PLEKHA2: variants seen among roughly 807,000 people sequenced by gnomAD.
PLEKHA2 encodes pleckstrin homology domain-containing family A member 2.
In PLEKHA2, 28 loss-of-function variants were observed where a neutral mutation model predicts 53.2. The observed-to-expected ratio is 0.53, with a 90% CI of 0.39 to 0.72. The LOEUF (loss-of-function observed/expected upper bound fraction) is 0.72, where lower values mean the gene tolerates loss of function less well. PLEKHA2 is among the 30% of genes least tolerant of loss of function. The pLI, the probability that PLEKHA2 is intolerant of heterozygous loss-of-function variation, is 0.00. For missense variants in PLEKHA2, 426 were observed against 537.9 expected (o/e 0.79, Z 2.06); for synonymous variants, 193 against 196.4 (o/e 0.98, Z 0.14).
chr8:38,907,390 G>A (rs1432465539), intron 1 of PLEKHA2, among the ~76,000 whole-genome samples: 1 of 152,050 alleles, frequency 6.6e-6, no homozygotes, highest in African/African-American at 2.4e-5. Context: ...TCTTTCCTCT[G>A]TCTCCAAATT....
intron 3 of PLEKHA2, among the ~76,000 whole-genome samples, chr8:38,937,254 G>A (rs1380257870): frequency 6.6e-6 from 1 of 152,230 alleles, no homozygotes; most frequent in Non-Finnish European, 1.5e-5. Context: ...GTCCAGCCTT[G>A]CTAGCACAGC....
At chr8:38,953,237 T>C in intron 8 of PLEKHA2, 60 bp from the exon 9 acceptor site, 4 of 1,376,152 alleles carry the variant, frequency 2.9e-6, no homozygotes, top group Non-Finnish European at 4.2e-6. Flanking sequence ...GGTCAGCTGG[T>C]CTGGGTCGTG....
rs1165999872 is a variant in PLEKHA2, at chr8:38,970,014, C to T, written c.*231C>T. Reference sequence around the variant, plus strand: ...CAGTGTATTTAATTTGGGGAAGTCACTAGGTTAGAACTGTAGGCATACTCA... The same window carrying T: ...CAGTGTATTTAATTTGGGGAAGTCATTAGGTTAGAACTGTAGGCATACTCA... On this transcript the variant is annotated 3_prime_UTR_variant, in exon 12 of 12. Transcript: ENST00000617275. The T allele has an allele frequency of 3.2e-6, 2 of 631,258 alleles. No homozygotes were observed. The highest frequency in any genetic ancestry group is 5.4e-6 in the Non-Finnish European group (2 of 372,480). 39.1% of individuals were successfully genotyped at this position (631,258 alleles called of 1,614,324 possible).
At position 38,970,116 on chromosome 8, in the gene PLEKHA2, C is replaced by G. The variant is rs1835220359; in HGVS notation, c.*333C>G. Reference sequence around the variant, plus strand: ...GAGGGATTGTTTTAGCAGCTCCTCTCCAGAGGGGGCTGGAAGTCCAGTTTC... The same window carrying G: ...GAGGGATTGTTTTAGCAGCTCCTCTGCAGAGGGGGCTGGAAGTCCAGTTTC... On this transcript the variant is annotated 3_prime_UTR_variant, in exon 12 of 12. Transcript: ENST00000617275. The G allele has an allele frequency of 2.2e-6, 1 of 450,542 alleles. No individual in the cohort carries two copies. Among genetic ancestry groups the G allele is most frequent in the Non-Finnish European group, 3.8e-6 (1 of 260,208 alleles). The allele number at this position is 450,542 out of a possible 1,614,324, so 27.9% of individuals were successfully genotyped here. A position where few individuals can be genotyped will look rare whatever the true frequency, so the allele number is the denominator to read the frequency against.
intron 11 of PLEKHA2, 25 bp downstream of exon 11, chr8:38,968,694 C>G: frequency 6.2e-7 from 1 of 1,611,328 alleles, no homozygotes; most frequent in East Asian, 2.2e-5. Context: ...TTCTGTTGCA[C>G]AGTGTCAACT....
rs1835295374 is a variant in PLEKHA2, at chr8:38,973,742, T to C, written c.*3959T>C. 1 of 160,820 alleles carries C rather than the reference T, an allele frequency of 6.2e-6. No homozygotes were observed. Among genetic ancestry groups the C allele is most frequent in the Non-Finnish European group, 1.3e-5 (1 of 74,688 alleles). The allele number at this position is 160,820 out of a possible 1,614,324, so 10.0% of individuals were successfully genotyped here. A position where few individuals can be genotyped will look rare whatever the true frequency, so the allele number is the denominator to read the frequency against. On this transcript the variant is annotated 3_prime_UTR_variant, in exon 12 of 12. Transcript: ENST00000617275. ...TGAAGGGGTAGCATGATTCTGTGTT[T>C]TAAAGCAGTGATGTTTCAGCTGTGA... is the stretch of plus-strand genomic sequence containing the variant.
In PLEKHA2 at chr8:38,922,295, GT is replaced by G. The variant is rs1339043582; in HGVS notation, c.141+4231del. Among the ~76,000 whole-genome samples the G allele has an allele frequency of 6.6e-6, 1 of 152,164 alleles. No individual in the cohort carries two copies. Among genetic ancestry groups the G allele is most frequent in the Non-Finnish European group, 1.5e-5 (1 of 68,026 alleles). On this transcript the variant is annotated intron_variant, in intron 2 of 11. Transcript: ENST00000617275. This position sits in a 1 kb window ranked among gnomAD's most constrained non-coding sequence, Gnocchi z 4.0. ...GAAGGTAGGGCACTCGTGTGGCTTA[GT>G]TTTTTATCATAGTGTTTCCAGCATT...
At chr8:38,924,171 C>T (rs962237601) in intron 2 of PLEKHA2, among the ~76,000 whole-genome samples, 1 of 152,048 alleles carries the variant, frequency 6.6e-6, no homozygotes, top group African/African-American at 2.4e-5. Context: ...TACAAGATGT[C>T]CTTTGATTGT....
rs1392173215 is a variant in PLEKHA2, at chr8:38,946,023, C to G, written c.248-101C>G. On this transcript the variant is annotated intron_variant, in intron 4 of 11. Transcript: ENST00000617275. ...TTCTTGTTCTGCTTTGTGGAGTTCA[C>G]TCATCTCACTCCCTCAAACACCTTA... is the stretch of plus-strand genomic sequence containing the variant. 12 of 882,292 alleles carry G rather than the reference C, an allele frequency of 1.4e-5. 1 individual carries two copies. In the Admixed American group the frequency reaches 2.6e-4, roughly 19 times the overall value. The allele number at this position is 882,292 out of a possible 1,614,324, so 54.7% of individuals were successfully genotyped here.
chr8:38,925,438 G>A (rs368739464), intron 2 of PLEKHA2, among the ~76,000 whole-genome samples: 3 of 152,122 alleles, frequency 2.0e-5, no homozygotes, highest in Admixed American at 6.6e-5. Flanking sequence ...AAACAGAAGC[G>A]TGAAACACAA....
chr8:38,941,919 T>C lies in PLEKHA2; in HGVS notation c.199-1870T>C, dbSNP rs1834619396. Among the ~76,000 whole-genome samples, 4 of 152,308 alleles carry C rather than the reference T, an allele frequency of 2.6e-5. No individual in the cohort carries two copies. The South Asian group carries it at 8.3e-4, about 32-fold the overall frequency. ...GGTGCCACCTCAGTTCCCATTTATTTGGGGCAATATTAATTTTGGTTAAGG... is the reference window on the plus strand; with the variant it reads ...GGTGCCACCTCAGTTCCCATTTATTCGGGGCAATATTAATTTTGGTTAAGG... On this transcript the variant is annotated intron_variant, in intron 3 of 11. Coordinates refer to ENST00000617275, the MANE Select transcript of PLEKHA2 (RefSeq NM_021623.2).
intron 2 of PLEKHA2, among the ~76,000 whole-genome samples, chr8:38,918,419 AC>A (rs1834103399): frequency 6.7e-5 from 10 of 148,538 alleles, no homozygotes; most frequent in South Asian, 2.2e-4. Flanking sequence ...ACACATACAC[AC>A]ACCACACACA....
In PLEKHA2 at chr8:38,933,560, T is replaced by C. The variant is rs568430155; in HGVS notation, c.142-2434T>C. ...AATGAGGTCAGGGGTGGTGGACCCT[T>C]AGTCCTCAGCAGAGTCCTGCAGTTC... On this transcript the variant is annotated intron_variant, in intron 2 of 11. Coordinates refer to ENST00000617275, the MANE Select transcript of PLEKHA2 (RefSeq NM_021623.2). 6.2e-4 allele frequency among the ~76,000 whole-genome samples: 94 copies of C among 152,070 alleles called. 1 individual carries two copies. Among genetic ancestry groups the C allele is most frequent in the Admixed American group, 3.6e-3 (55 of 15,270 alleles).
chr8:38,934,080 A>G (rs1834446963), intron 2 of PLEKHA2, among the ~76,000 whole-genome samples: 1 of 152,046 alleles, frequency 6.6e-6, no homozygotes, highest in Non-Finnish European at 1.5e-5. Context: ...TGGGGTTAGA[A>G]GGACTCTTCC....
chr8:38,957,782 C>G (rs1834969045), intron 10 of PLEKHA2, among the ~76,000 whole-genome samples: 1 of 152,208 alleles, frequency 6.6e-6, no homozygotes, highest in Admixed American at 6.5e-5. Context: ...GTGCAGGCAC[C>G]AGGTGCAGAG....
At chr8:38,940,453 A>T (rs1834584619) in intron 3 of PLEKHA2, among the ~76,000 whole-genome samples, 1 of 151,996 alleles carries the variant, frequency 6.6e-6, no homozygotes, top group Non-Finnish European at 1.5e-5. Flanking sequence ...GTGGGTTCTG[A>T]GGGCTGGGAT....
chr8:38,920,327 T>A (rs1038756794), intron 2 of PLEKHA2, among the ~76,000 whole-genome samples: 9 of 150,858 alleles, frequency 6.0e-5, no homozygotes, highest in Non-Finnish European at 1.2e-4. Flanking sequence ...ATTTTTTGTA[T>A]TTTTTTTTAG....
In PLEKHA2 at chr8:38,932,871, C is replaced by CA. The variant is rs1361118486; in HGVS notation, c.142-3122dup. Among the ~76,000 whole-genome samples the CA allele has an allele frequency of 3.3e-5, 5 of 152,286 alleles. No individual in the cohort carries two copies. In the East Asian group the frequency reaches 9.7e-4, roughly 30 times the overall value. Reference sequence around the variant, plus strand: ...GGTGGAGAGGACGTACAGTTGAGCCCAGGAGCAGACTGTGGGTGGGGTGTG... The same window carrying CA: ...GGTGGAGAGGACGTACAGTTGAGCCCAAGGAGCAGACTGTGGGTGGGGTGTG... On this transcript the variant is annotated intron_variant, in intron 2 of 11. Transcript: ENST00000617275.
chr8:38,962,205 C>T (rs1835053014), intron 10 of PLEKHA2, among the ~76,000 whole-genome samples: 1 of 152,120 alleles, frequency 6.6e-6, no homozygotes, highest in African/African-American at 2.4e-5. Flanking sequence ...CAGCCTGGTC[C>T]AGGCCGGGTG....
Sources: gnomAD v4.1 joint callset for allele counts (sites outside exome capture counted in the v4.1 genomes callset) on GRCh38, gnomAD v4.1.1 for gene constraint, Gnocchi (gnomAD v3.1) non-coding constraint, MANE v1.5 for transcripts, NCBI Gene and HGNC (gene_info 2026-07-23, HGNC 2026-07-21) for gene names.